MGAT5: variants seen among roughly 807,000 people sequenced by gnomAD.
MGAT5 encodes the protein alpha-1,6-mannosylglycoprotein 6-beta-N-acetylglucosaminyltransferase A.
MGAT5 carries 30 observed loss-of-function variants against 94.3 expected under a neutral mutation model. That is an observed-to-expected ratio of 0.32 (90% CI 0.24 to 0.43). The LOEUF (loss-of-function observed/expected upper bound fraction) is 0.43. Ranked by LOEUF, MGAT5 falls within the 20% of genes least tolerant of loss-of-function variation. The pLI, the probability that MGAT5 is intolerant of heterozygous loss-of-function variation, is 1.00. For missense variants in MGAT5, 691 were observed against 905.5 expected (o/e 0.76, Z 3.04); for synonymous variants, 310 against 322.9 (o/e 0.96, Z 0.43).
intron 10 of MGAT5, among the ~76,000 whole-genome samples, chr2:134,377,814 C>T (rs970329451): frequency 2.6e-5 from 4 of 152,070 alleles, no homozygotes; most frequent in African/African-American, 7.2e-5. Flanking sequence ...TCCTGTTAGC[C>T]GGAGCAAAAG....
At chr2:134,160,298 C>T (rs920820911) in intron 1 of MGAT5, among the ~76,000 whole-genome samples, 4 of 152,290 alleles carry the variant, frequency 2.6e-5, no homozygotes, top group East Asian at 3.9e-4. Context: ...ATCAGCCTCC[C>T]GAGCAGCCGG....
chr2:134,184,968 T>C (rs1688932079), intron 1 of MGAT5, among the ~76,000 whole-genome samples: 1 of 152,166 alleles, frequency 6.6e-6, no homozygotes, highest in Non-Finnish European at 1.5e-5. Context: ...ATAAATTTTT[T>C]AGTGGTGACT....
chr2:134,160,538 C>A (rs1299077574), intron 1 of MGAT5, among the ~76,000 whole-genome samples: 1 of 152,190 alleles, frequency 6.6e-6, no homozygotes, highest in East Asian at 1.9e-4. Flanking sequence ...CTGGGTGCAG[C>A]TGTTGGTGTA....
At chr2:134,193,566 C>T (rs1180563487) in intron 1 of MGAT5, among the ~76,000 whole-genome samples, 1 of 152,160 alleles carries the variant, frequency 6.6e-6, no homozygotes, top group Non-Finnish European at 1.5e-5. Context: ...CCTAAGCCCT[C>T]CTTCCTAGCC....
chr2:134,181,630 G>C (rs1002658908), intron 1 of MGAT5, among the ~76,000 whole-genome samples: 1 of 152,010 alleles, frequency 6.6e-6, no homozygotes. Flanking sequence ...TCTTTGGTTT[G>C]TCTAAATTCT....
intron 2 of MGAT5, among the ~76,000 whole-genome samples, chr2:134,299,234 T>G (rs1272809483): frequency 6.6e-6 from 1 of 152,232 alleles, no homozygotes; most frequent in Non-Finnish European, 1.5e-5. Context: ...TCACTGGCTT[T>G]GCAGTCTTTG....
intron 14 of MGAT5, among the ~76,000 whole-genome samples, chr2:134,439,161 A>G (rs552924404): frequency 1.5e-4 from 23 of 152,276 alleles, no homozygotes; most frequent in African/African-American, 5.5e-4. Context: ...TCAGCAGGCA[A>G]TGCCTTTCTC....
intron 1 of MGAT5, among the ~76,000 whole-genome samples, chr2:134,147,078 T>C (rs1431104289): frequency 6.6e-6 from 1 of 151,696 alleles, no homozygotes; most frequent in Non-Finnish European, 1.5e-5. Flanking sequence ...GTAGTTTGGG[T>C]TCCTGCTCTC....
intron 9 of MGAT5, among the ~76,000 whole-genome samples, chr2:134,357,645 G>A (rs971835983): frequency 1.3e-5 from 2 of 152,222 alleles, no homozygotes; most frequent in Non-Finnish European, 2.9e-5. Context: ...AGACCACTGA[G>A]GATTAGGATC....
chr2:134,217,217 G>T (rs1366131759), intron 1 of MGAT5, among the ~76,000 whole-genome samples: 2 of 142,876 alleles, frequency 1.4e-5, no homozygotes, highest in Admixed American at 1.4e-4. Context: ...AGGGATGAGT[G>T]GGGTCTGAGG....
chr2:134,319,809 G>A (rs760114150), intron 4 of MGAT5: 16 of 383,736 alleles, frequency 4.2e-5, no homozygotes, highest in Admixed American at 9.2e-5. Flanking sequence ...TTCTGGGTCC[G>A]TACATATGCA....
intron 1 of MGAT5, among the ~76,000 whole-genome samples, chr2:134,255,230 CT>C: frequency 6.6e-6 from 1 of 151,984 alleles, no homozygotes; most frequent in African/African-American, 2.4e-5. Flanking sequence ...GTACTTGTTG[CT>C]TTTTCTTTAA....
At chr2:134,356,239 G>A (rs1679731347) in intron 9 of MGAT5, among the ~76,000 whole-genome samples, 1 of 152,048 alleles carries the variant, frequency 6.6e-6, no homozygotes, top group South Asian at 2.1e-4. Context: ...ATAACAAAGT[G>A]GAGAGAAGAG....
At position 134,257,836 on chromosome 2, in the gene MGAT5, C is replaced by CCT. The variant is rs781189819; in HGVS notation, c.241+3192_241+3193insCT. 2.2e-4 allele frequency among the ~76,000 whole-genome samples: 23 copies of CCT among 106,412 alleles called. 3 individuals carry two copies. Among genetic ancestry groups the CCT allele is most frequent in the Admixed American group, 3.1e-4 (3 of 9,606 alleles). The allele number at this position is 106,412 out of a possible 152,430, so 69.8% of individuals were successfully genotyped here. A position where few individuals can be genotyped will look rare whatever the true frequency, so the allele number is the denominator to read the frequency against. On this transcript the variant is annotated intron_variant, in intron 1 of 15. Transcript: ENST00000281923. ...TGCATAGGCCATTAGTTTGCAGTCT[C>CCT]TTTTTTTTTTTTTTTTTTTGCCATA...
intron 1 of MGAT5, among the ~76,000 whole-genome samples, chr2:134,263,117 G>A (rs147667757): frequency 0.012 from 1,882 of 152,286 alleles, 16 homozygotes; most frequent in Middle Eastern, 0.024. Context: ...CCAAGAAGGT[G>A]CGGGCCCTGG....
intron 10 of MGAT5, among the ~76,000 whole-genome samples, chr2:134,386,128 T>C (rs758487405): frequency 2.6e-5 from 4 of 152,190 alleles, no homozygotes; most frequent in Non-Finnish European, 5.9e-5. Context: ...TAATGTGTTA[T>C]TTTAAGGTGT....
At chr2:134,365,662 GAT>G (rs1352624592) in intron 10 of MGAT5, among the ~76,000 whole-genome samples, 2 of 152,134 alleles carry the variant, frequency 1.3e-5, no homozygotes, top group Non-Finnish European at 2.9e-5. Context: ...GGAAGACACA[GAT>G]AGAACTCCTG....
At chr2:134,247,133 C>CT (rs1223688922) in intron 1 of MGAT5, among the ~76,000 whole-genome samples, 1 of 152,096 alleles carries the variant, frequency 6.6e-6, no homozygotes, top group East Asian at 1.9e-4. Flanking sequence ...ACCAAGCACT[C>CT]TAAGTTGCTT....
intron 4 of MGAT5, among the ~76,000 whole-genome samples, chr2:134,320,373 T>TA (rs1491497567): frequency 2.0e-5 from 2 of 99,184 alleles, no homozygotes; most frequent in African/African-American, 7.5e-5. Context: ...AGCTTTTGTA[T>TA]TTTTTTTTTT....
Sources: allele counts gnomAD v4.1 joint callset (sites outside exome capture counted in the v4.1 genomes callset), GRCh38; gene constraint gnomAD v4.1.1; transcripts MANE v1.5; gene names NCBI Gene and HGNC (gene_info 2026-07-23, HGNC 2026-07-21).